Variants in LDB3 observed in about 807,000 individuals in gnomAD.
LDB3 encodes LIM domain binding 3, also known as LIM domain-binding protein 3.
In LDB3, 49 loss-of-function variants were observed where a neutral mutation model predicts 69.0. That is an observed-to-expected ratio of 0.71 (90% CI 0.56 to 0.90). The LOEUF (loss-of-function observed/expected upper bound fraction) is 0.90, where lower values mean the gene tolerates loss of function less well. Ranked by LOEUF, LDB3 falls within the 40% of genes least tolerant of loss-of-function variation. LDB3 has a pLI of 0.00. For synonymous variants in LDB3, 387 were observed against 396.2 expected (o/e 0.98, Z 0.28); for missense variants, 928 against 974.1 (o/e 0.95, Z 0.63).
chr10:86,680,913 G>A (rs780245536), intron 4 of LDB3, among the ~76,000 whole-genome samples: 1 of 152,250 alleles, frequency 6.6e-6, no homozygotes, highest in East Asian at 1.9e-4. Flanking sequence ...GACTGGGGAA[G>A]TGGGTGGAGG....
In LDB3 at chr10:86,734,313, A is replaced by T. The variant is rs1157737218; in HGVS notation, c.*1337A>T. On this transcript the variant is annotated 3_prime_UTR_variant, in exon 14 of 14. Coordinates refer to ENST00000361373, the MANE Select transcript of LDB3 (RefSeq NM_007078.3). ...CTTTATACTAGTGATAGTTTGAGTT[A>T]GGTAAGCATCTTAAAGCTGTTTGGT... is the stretch of plus-strand genomic sequence containing the variant. 6.6e-6 allele frequency: 1 copy of T among 152,220 alleles called. No individual in the cohort carries two copies. Among genetic ancestry groups the T allele is most frequent in the Non-Finnish European group, 1.5e-5 (1 of 68,026 alleles). 9.4% of individuals were successfully genotyped at this position (152,220 alleles called of 1,614,324 possible).
chr10:86,718,850 A>T lies in LDB3; in HGVS notation c.1978+3A>T. On this transcript the variant is annotated splice_donor_region_variant and intron_variant, in intron 12 of 13. Coordinates refer to ENST00000361373, the MANE Select transcript of LDB3 (RefSeq NM_007078.3). ...CGGGGAGCCCTACTGCGAGAAAGGT[A>T]GGAACACTTCGATGGCATGTGGGGA... The T allele has an allele frequency of 4.3e-6, 7 of 1,614,062 alleles. No homozygotes were observed. The highest frequency in any genetic ancestry group is 5.9e-6 in the Non-Finnish European group (7 of 1,179,992).
chr10:86,716,410 C>T lies in LDB3; in HGVS notation c.1315C>T (p.Pro439Ser). 1 of 1,545,078 alleles carries T rather than the reference C, an allele frequency of 6.5e-7. No individual in the cohort carries two copies. The highest frequency in any genetic ancestry group is 8.7e-7 in the Non-Finnish European group (1 of 1,143,728). The change falls in exon 10 of 14, where the codon CCC (proline) becomes TCC (serine). Residue 439 changes from proline (P) to serine (S), a missense_variant. Coordinates refer to ENST00000361373, the MANE Select transcript of LDB3 (RefSeq NM_007078.3). ...YTPSPAPAYT[P>S]SPAPAYTPSP... ...CCCCTCCCCTGCCCCTGCCTACACC[C>T]CCTCCCCTGCCCCTGCCTACACCCC...
chr10:86,724,241 G>A (rs150349326), intron 12 of LDB3, among the ~76,000 whole-genome samples: 60 of 151,992 alleles, frequency 3.9e-4, no homozygotes, highest in African/African-American at 1.3e-3. Flanking sequence ...AACCCTGGGA[G>A]GCAGAGGTTG....
chr10:86,681,301 C>A lies in LDB3; in HGVS notation c.322-135C>A, dbSNP rs1425042947. ...CCAGTGTCCTCCCCTCCAAGTGCTG[C>A]GCCCAGGCGCTCTGGGCTTCAGGCT... On this transcript the variant is annotated intron_variant, in intron 4 of 13. Transcript: ENST00000361373. 6.1e-6 allele frequency: 8 copies of A among 1,321,214 alleles called. No individual in the cohort carries two copies. The Admixed American group carries it at 1.2e-4, about 20-fold the overall frequency. 81.8% of individuals were successfully genotyped at this position (1,321,214 alleles called of 1,614,324 possible). A position where few individuals can be genotyped will look rare whatever the true frequency, so the allele number is the denominator to read the frequency against.
chr10:86,705,687 AGT>A (rs1846414650), intron 7 of LDB3, among the ~76,000 whole-genome samples: 1 of 152,198 alleles, frequency 6.6e-6, no homozygotes, highest in South Asian at 2.1e-4. Flanking sequence ...CCACACTGGC[AGT>A]GTGGTCGCCT....
chr10:86,731,541 G>A (rs1048693804), intron 13 of LDB3, among the ~76,000 whole-genome samples: 7 of 152,022 alleles, frequency 4.6e-5, no homozygotes, highest in African/African-American at 1.7e-4. Flanking sequence ...TTTTTAAATG[G>A]TGGCATTCCA....
chr10:86,666,907 GTTATGCCCTGC>G (rs770207182), upstream of LDB3: 1 of 465,892 alleles, frequency 2.1e-6, no homozygotes, highest in Non-Finnish European at 4.4e-6. Flanking sequence ...TCCCACACTG[GTTATGCCCTGC>G]TGCTGAGTCC....
intron 5 of LDB3, among the ~76,000 whole-genome samples, chr10:86,690,685 G>A (rs570225588): frequency 6.6e-6 from 1 of 152,338 alleles, no homozygotes; most frequent in African/African-American, 2.4e-5. Context: ...CTCCCAGCCA[G>A]CCAGCCCTCT....
chr10:86,712,053 T>C (rs1846689089), intron 9 of LDB3, among the ~76,000 whole-genome samples: 1 of 151,978 alleles, frequency 6.6e-6, no homozygotes, highest in African/African-American at 2.4e-5. Context: ...TCTCCTGGCG[T>C]GACGGCGAGC....
chr10:86,733,668 C>T lies in LDB3; in HGVS notation c.*692C>T, dbSNP rs978287861. On this transcript the variant is annotated 3_prime_UTR_variant, in exon 14 of 14. Coordinates refer to ENST00000361373, the MANE Select transcript of LDB3 (RefSeq NM_007078.3). Reference sequence around the variant, plus strand: ...TGCAGACAGCTGAGAAAAGATGGCCCTGTCAGCCACCCTCTCTCAGTCTGA... The same window carrying T: ...TGCAGACAGCTGAGAAAAGATGGCCTTGTCAGCCACCCTCTCTCAGTCTGA... 1.3e-5 allele frequency: 2 copies of T among 152,328 alleles called. No homozygotes were observed. Among genetic ancestry groups the T allele is most frequent in the African/African-American group, 4.8e-5 (2 of 41,456 alleles). The allele number at this position is 152,328 out of a possible 1,614,324, so 9.4% of individuals were successfully genotyped here. A position where few individuals can be genotyped will look rare whatever the true frequency, so the allele number is the denominator to read the frequency against.
intron 9 of LDB3, chr10:86,710,286 G>T: frequency 1.0e-6 from 1 of 984,158 alleles, no homozygotes; most frequent in Non-Finnish European, 1.2e-6. Context: ...GAGAGCGAAG[G>T]AGAGCAGAGA....
Position 86,681,613 on chromosome 10 carries a change from A to G in LDB3, c.499A>G (p.Ser167Gly), listed in dbSNP as rs1165810502. The G allele has an allele frequency of 6.2e-7, 1 of 1,612,932 alleles. No homozygotes were observed. Among genetic ancestry groups the G allele is most frequent in the East Asian group, 2.2e-5 (1 of 44,872 alleles). Residue 167 changes from serine (S) to glycine (G), a missense_variant, in exon 5 of 14, where the codon AGC becomes GGC. Physicochemically the swap from Ser to Gly is moderately conservative, Grantham distance 56. Transcript: ENST00000361373. Reference protein sequence around the residue: ...EASDPGPPRASLRAKTSPEGA... With the variant: ...EASDPGPPRAGLRAKTSPEGA... Reference sequence around the variant, plus strand: ...CTCTGACCCTGGCCCTCCGCGGGCCAGCCTGAGGGCCAAGACCAGCCCAGA... The same window carrying G: ...CTCTGACCCTGGCCCTCCGCGGGCCGGCCTGAGGGCCAAGACCAGCCCAGA...
chr10:86,730,720 A>G (rs1458277411), intron 13 of LDB3, among the ~76,000 whole-genome samples: 1 of 152,204 alleles, frequency 6.6e-6, no homozygotes, highest in African/African-American at 2.4e-5. Context: ...GGTTTTCATG[A>G]GAATTAAATG....
At chr10:86,685,907 G>A (rs945097423) in intron 5 of LDB3, among the ~76,000 whole-genome samples, 11 of 152,122 alleles carry the variant, frequency 7.2e-5, no homozygotes, top group Admixed American at 2.0e-4. Context: ...GGCTCCATCC[G>A]ATGGTTCTAA....
intron 7 of LDB3, 76 bp downstream of exon 7, chr10:86,692,647 A>G: frequency 7.6e-7 from 1 of 1,321,324 alleles, no homozygotes; most frequent in Non-Finnish European, 1.1e-6. Context: ...AGGTCACATC[A>G]CTCATGGAAG....
chr10:86,685,249 G>C (rs547397527), intron 5 of LDB3, among the ~76,000 whole-genome samples: 1 of 152,282 alleles, frequency 6.6e-6, no homozygotes, highest in African/African-American at 2.4e-5. Context: ...TCTTAGTCCG[G>C]AGCTGCTGAC....
chr10:86,703,009 C>T (rs1239125288), intron 7 of LDB3, among the ~76,000 whole-genome samples: 1 of 152,184 alleles, frequency 6.6e-6, no homozygotes, highest in Non-Finnish European at 1.5e-5. Context: ...CAACTTCATG[C>T]CCTGGAATCC....
Position 86,695,240 on chromosome 10 carries a change from T to C in LDB3, c.896+2669T>C, listed in dbSNP as rs546608734. On this transcript the variant is annotated intron_variant, in intron 7 of 13. Coordinates refer to ENST00000361373, the MANE Select transcript of LDB3 (RefSeq NM_007078.3). ...AGGCAGGGGCTCTGGGACCTCGAGG[T>C]CAAGTGTGAATACACATGTCAAGAA... Among the ~76,000 whole-genome samples, 30 of 152,306 alleles carry C rather than the reference T, an allele frequency of 2.0e-4. 1 individual carries two copies. Among genetic ancestry groups the C allele is most frequent in the African/African-American group, 6.5e-4 (27 of 41,558 alleles).
Sources: gnomAD v4.1 joint callset for allele counts (sites outside exome capture counted in the v4.1 genomes callset) on GRCh38, gnomAD v4.1.1 for gene constraint, MANE v1.5 for transcripts, NCBI Gene and HGNC (gene_info 2026-07-23, HGNC 2026-07-21) for gene names.